The following CPQ variants were observed in gnomAD, a reference collection of about 807,000 sequenced individuals.
The protein encoded by CPQ is carboxypeptidase Q, also known as Ser-Met dipeptidase.
A neutral mutation model predicts 45.7 loss-of-function variants in CPQ; 37 were observed. The ratio of observed to expected loss-of-function variants is 0.81; its 90% CI spans 0.62 to 1.07. The LOEUF (loss-of-function observed/expected upper bound fraction) is 1.07. CPQ is among the 50% of genes least tolerant of loss of function. The probability of loss-of-function intolerance (pLI) is 0.00; values close to 1 mark genes in which losing one functional copy is unlikely to be tolerated. For synonymous variants in CPQ, 186 were observed against 205.8 expected (o/e 0.90, Z 0.82); for missense variants, 537 against 572.9 (o/e 0.94, Z 0.64).
chr8:96,680,817 A>T (rs1262774048), intron 1 of CPQ, among the ~76,000 whole-genome samples: 1 of 152,186 alleles, frequency 6.6e-6, no homozygotes, highest in Non-Finnish European at 1.5e-5. Context: ...GCTGATAATG[A>T]TATGGACAAT....
intron 4 of CPQ, among the ~76,000 whole-genome samples, chr8:96,891,608 C>T (rs1812378307): frequency 6.6e-6 from 1 of 152,178 alleles, no homozygotes; most frequent in Non-Finnish European, 1.5e-5. Context: ...TTATTAAAAT[C>T]CCCCTCTGCT....
chr8:96,763,089 G>T (rs1810424171), intron 1 of CPQ, among the ~76,000 whole-genome samples: 1 of 152,002 alleles, frequency 6.6e-6, no homozygotes, highest in Non-Finnish European at 1.5e-5. Flanking sequence ...TCTTCTCTCT[G>T]CCTGTCCCTG....
At position 96,879,901 on chromosome 8, in the gene CPQ, G is replaced by A. The variant is rs1471341704; in HGVS notation, c.745G>A (p.Gly249Arg). ...AATGATGTCAAGAATGGCTTCTCAT[G>A]GGATCAAAATTGTCATTCAGCTAAA... Reference protein sequence around the residue: ...AEMMSRMASHGIKIVIQLKMG... With the variant: ...AEMMSRMASHRIKIVIQLKMG... The change falls in exon 4 of 8, where the codon GGG (glycine) becomes AGG (arginine). Residue 249 changes from glycine to arginine, a missense_variant. Transcript: ENST00000220763. 9 of 1,614,028 alleles carry A rather than the reference G, an allele frequency of 5.6e-6. No homozygotes were observed. The highest frequency in any genetic ancestry group is 5.9e-6 in the Non-Finnish European group (7 of 1,179,952).
At chr8:96,913,613 C>CA (rs1458873713) in intron 4 of CPQ, among the ~76,000 whole-genome samples, 5 of 152,148 alleles carry the variant, frequency 3.3e-5, no homozygotes, top group African/African-American at 9.7e-5. Flanking sequence ...GCCAAGGCTC[C>CA]AAGGTATGAT....
At chr8:96,707,013 T>TCAAA (rs1809538541) in intron 1 of CPQ, among the ~76,000 whole-genome samples, 1 of 152,126 alleles carries the variant, frequency 6.6e-6, no homozygotes, top group Non-Finnish European at 1.5e-5. Context: ...AGGCCCAGAA[T>TCAAA]TTATTTGATT....
intron 4 of CPQ, among the ~76,000 whole-genome samples, chr8:96,952,371 T>C (rs1813280975): frequency 6.6e-6 from 1 of 152,062 alleles, no homozygotes. Context: ...CTAGCTTTGA[T>C]AGGGTGTGAT....
chr8:96,834,943 A>C, intron 2 of CPQ, 30 bp from the exon 3 acceptor site: 2 of 1,595,714 alleles, frequency 1.3e-6, no homozygotes, highest in South Asian at 2.2e-5. Flanking sequence ...GGGAAACTGT[A>C]AGTTAATCTT....
intron 1 of CPQ, among the ~76,000 whole-genome samples, chr8:96,708,405 A>G (rs1228800354): frequency 6.9e-6 from 1 of 145,768 alleles, no homozygotes; most frequent in Non-Finnish European, 1.5e-5. Flanking sequence ...TAATGAAAAG[A>G]CAAGGTAAGC....
At chr8:97,014,020 GAGGC>G (rs1809536019) in intron 5 of CPQ, among the ~76,000 whole-genome samples, 1 of 152,182 alleles carries the variant, frequency 6.6e-6, no homozygotes, top group African/African-American at 2.4e-5. Flanking sequence ...AAAGAGGTTG[GAGGC>G]AGATGACTGC....
chr8:96,889,181 G>A (rs1812342578), intron 4 of CPQ, among the ~76,000 whole-genome samples: 1 of 152,242 alleles, frequency 6.6e-6, no homozygotes, highest in African/African-American at 2.4e-5. Flanking sequence ...AGTTTTAGCA[G>A]TGGATTTGCG....
At chr8:96,992,529 A>G (rs1230800486) in intron 5 of CPQ, among the ~76,000 whole-genome samples, 1 of 152,186 alleles carries the variant, frequency 6.6e-6, no homozygotes, top group African/African-American at 2.4e-5. Flanking sequence ...TGAGAGAAGC[A>G]AGAAGCTTTG....
chr8:96,753,937 G>A (rs932967695), intron 1 of CPQ, among the ~76,000 whole-genome samples: 8 of 151,686 alleles, frequency 5.3e-5, no homozygotes, highest in Non-Finnish European at 1.2e-4. Flanking sequence ...AAACAGTGTT[G>A]AATTTTATCA....
chr8:96,735,762 A>T (rs957521835), intron 1 of CPQ, among the ~76,000 whole-genome samples: 1 of 152,112 alleles, frequency 6.6e-6, no homozygotes, highest in African/African-American at 2.4e-5. Context: ...CAGATCTTTC[A>T]ATCTTTCTTC....
At chr8:97,028,391 C>A (rs1809836831) in intron 5 of CPQ, among the ~76,000 whole-genome samples, 1 of 152,210 alleles carries the variant, frequency 6.6e-6, no homozygotes, top group African/African-American at 2.4e-5. Flanking sequence ...GTGGTTATAC[C>A]TGAGATATGT....
Position 96,925,264 on chromosome 8 carries a change from A to G in CPQ, c.850-40671A>G, listed in dbSNP as rs948647626. On this transcript the variant is annotated intron_variant, in intron 4 of 7. Transcript: ENST00000220763. ...AATGAAGCTGCTTCAATTTCTTCCA[A>G]TTCAGTGCTTCATATACTTGGCTGC... Among the ~76,000 whole-genome samples, 44 of 152,076 alleles carry G rather than the reference A, an allele frequency of 2.9e-4. 3 individuals carry two copies. Among genetic ancestry groups the G allele is most frequent in the Non-Finnish European group, 4.4e-5 (3 of 68,016 alleles).
intron 1 of CPQ, among the ~76,000 whole-genome samples, chr8:96,775,823 A>G (rs1006507467): frequency 6.6e-6 from 1 of 152,152 alleles, no homozygotes; most frequent in Admixed American, 6.5e-5. Flanking sequence ...TCTCCATACC[A>G]TGGTGACAAG....
Position 96,863,529 on chromosome 8 carries a change from G to GA in CPQ, c.642-16267dup, listed in dbSNP as rs759269761. Among the ~76,000 whole-genome samples, 108 of 152,150 alleles carry GA rather than the reference G, an allele frequency of 7.1e-4. No homozygotes were observed. In the Middle Eastern group the frequency reaches 0.01, roughly 14 times the overall value. On this transcript the variant is annotated intron_variant, in intron 3 of 7. Coordinates refer to ENST00000220763, the MANE Select transcript of CPQ (RefSeq NM_016134.4). ...GGTGTGGTGAAGGTGAGGGTAAAGG[G>GA]AAGAAGAGTTGAGGCTGAATTAATG...
In CPQ at chr8:96,671,136, C is replaced by T. The variant is rs539302534; in HGVS notation, c.-35+25734C>T. Among the ~76,000 whole-genome samples the T allele has an allele frequency of 1.6e-4, 25 of 152,290 alleles. No individual in the cohort carries two copies. In the South Asian group the frequency reaches 4.4e-3, roughly 27 times the overall value. Reference sequence around the variant, plus strand: ...AAAAACTGTAATTTAAAAAACTTAGCGTACTTTACTGTATGTAGCTCCTTT... The same window carrying T: ...AAAAACTGTAATTTAAAAAACTTAGTGTACTTTACTGTATGTAGCTCCTTT... On this transcript the variant is annotated intron_variant, in intron 1 of 7. Coordinates refer to ENST00000220763, the MANE Select transcript of CPQ (RefSeq NM_016134.4).
intron 7 of CPQ, among the ~76,000 whole-genome samples, chr8:97,098,877 G>A (rs1474347718): frequency 2.0e-5 from 3 of 151,980 alleles, no homozygotes. Context: ...ATAGCCTGAG[G>A]TTGTATGTGT....
Sources: gnomAD v4.1 joint callset for allele counts (sites outside exome capture counted in the v4.1 genomes callset) on GRCh38, gnomAD v4.1.1 for gene constraint, MANE v1.5 for transcripts, NCBI Gene and HGNC (gene_info 2026-07-23, HGNC 2026-07-21) for gene names.